The following DNAJC11 variants were observed in gnomAD, a reference collection of about 807,000 sequenced individuals.
DNAJC11 encodes DnaJ heat shock protein family (Hsp40) member C11, also known as dnaJ homolog subfamily C member 11.
In DNAJC11, 15 loss-of-function variants were observed where a neutral mutation model predicts 78.6. That is an observed-to-expected ratio of 0.19 (90% confidence interval 0.13 to 0.29). The LOEUF (loss-of-function observed/expected upper bound fraction) is 0.29. Among genes scored for constraint, DNAJC11 ranks in the 10% least tolerant of loss-of-function variants. DNAJC11 has a pLI of 1.00. For missense variants in DNAJC11, 547 were observed against 709.6 expected (o/e 0.77, Z 2.60); for synonymous variants, 292 against 272.1 (o/e 1.07, Z -0.72).
At chr1:6,693,165 C>T (rs950806726) in intron 1 of DNAJC11, among the ~76,000 whole-genome samples, 24 of 151,320 alleles carry the variant, frequency 1.6e-4, no homozygotes, top group African/African-American at 5.3e-4. Context: ...TGCCCGCCTC[C>T]GCCTCCCAAA....
chr1:6,681,642 C>G (rs1181274446), intron 1 of DNAJC11, among the ~76,000 whole-genome samples: 1 of 152,192 alleles, frequency 6.6e-6, no homozygotes, highest in East Asian at 1.9e-4. Flanking sequence ...CTCCAATTCT[C>G]CTACGCAGGA....
At position 6,653,738 on chromosome 1, in the gene DNAJC11, G is replaced by A; in HGVS notation, c.507+173C>T. On this transcript the variant is annotated intron_variant, in intron 5 of 15. Transcript: ENST00000377577. The surrounding 1 kb of genome is among the most constrained non-coding windows in gnomAD (Gnocchi z 4.5). ...TCCTGCTGGCTCACATGCCAGCACA[G>A]CGGTAACACACGGCTGGGAATGAAG... The A allele has an allele frequency of 1.2e-6, 1 of 832,564 alleles. No individual in the cohort carries two copies. The allele number at this position is 832,564 out of a possible 1,614,324, so 51.6% of individuals were successfully genotyped here.
chr1:6,683,177 G>A (rs1347628090), intron 1 of DNAJC11, among the ~76,000 whole-genome samples: 3 of 152,142 alleles, frequency 2.0e-5, no homozygotes, highest in Non-Finnish European at 2.9e-5. Flanking sequence ...TTCAGGGACG[G>A]CACTGCCAAA....
In DNAJC11 at chr1:6,634,198, G is replaced by T; in HGVS notation, c.*1477C>A. 1.8e-6 allele frequency: 2 copies of T among 1,082,404 alleles called. No homozygotes were observed. The highest frequency in any genetic ancestry group is 2.7e-6 in the Non-Finnish European group (2 of 727,364). The allele number at this position is 1,082,404 out of a possible 1,614,324, so 67.0% of individuals were successfully genotyped here. The stretch of plus-strand genomic sequence containing the variant: ...TTTCAGGAAAGGTTTATTGTGGTGA[G>T]TGCCTTCTGTACAGTCGACTGCAAA... On this transcript the variant is annotated 3_prime_UTR_variant, in exon 16 of 16. Transcript: ENST00000377577.
chr1:6,637,415 A>G, intron 13 of DNAJC11, 32 bp downstream of exon 13: 1 of 1,614,136 alleles, frequency 6.2e-7, no homozygotes, highest in East Asian at 2.2e-5. Flanking sequence ...CCCAGCGCCC[A>G]CCCTGGACCA....
At chr1:6,677,184 C>T (rs1321557790) in intron 3 of DNAJC11, among the ~76,000 whole-genome samples, 3 of 131,494 alleles carry the variant, frequency 2.3e-5, no homozygotes, top group African/African-American at 5.4e-5. Flanking sequence ...ACAAAAAAAA[C>T]GAAGGAACTT....
chr1:6,645,178 G>A lies in DNAJC11; in HGVS notation c.895-52C>T. 1 of 1,434,000 alleles carries A rather than the reference G, an allele frequency of 7.0e-7. No individual in the cohort carries two copies. The highest frequency in any genetic ancestry group is 1.7e-5 in the Admixed American group (1 of 59,394). 88.8% of individuals were successfully genotyped at this position (1,434,000 alleles called of 1,614,324 possible). A position where few individuals can be genotyped will look rare whatever the true frequency, so the allele number is the denominator to read the frequency against. ...CGTGGCTAGGGCGTGTGACTCTGTGGGGAGATGGGTATCTGCCCTCCCACT... is the reference window on the plus strand; with the variant it reads ...CGTGGCTAGGGCGTGTGACTCTGTGAGGAGATGGGTATCTGCCCTCCCACT... On this transcript the variant is annotated intron_variant, in intron 8 of 15. Transcript: ENST00000377577. This position sits in a 1 kb window ranked among gnomAD's most constrained non-coding sequence, Gnocchi z 4.1.
chr1:6,689,918 A>G (rs1278945541), intron 1 of DNAJC11, among the ~76,000 whole-genome samples: 3 of 152,194 alleles, frequency 2.0e-5, no homozygotes, highest in Non-Finnish European at 4.4e-5. Context: ...TGGTGTCACA[A>G]ATGCATTTAC....
intron 4 of DNAJC11, among the ~76,000 whole-genome samples, chr1:6,656,493 A>G (rs1434956441): frequency 6.6e-6 from 1 of 152,156 alleles, no homozygotes; most frequent in African/African-American, 2.4e-5. Flanking sequence ...TTGGGCCAAG[A>G]TATTTTTATG....
In DNAJC11 at chr1:6,675,707, G is replaced by A. The variant is rs548801695; in HGVS notation, c.276+2687C>T. Among the ~76,000 whole-genome samples, 573 of 152,298 alleles carry A rather than the reference G, an allele frequency of 3.8e-3. 3 individuals carry two copies. Among genetic ancestry groups the A allele is most frequent in the Non-Finnish European group, 6.5e-3 (441 of 68,024 alleles). Reference sequence around the variant, plus strand: ...GAAACTGCTGGAATTACAGGTGTGAGCCACTGCACCCAGCCCTATATATTT... The same window carrying A: ...GAAACTGCTGGAATTACAGGTGTGAACCACTGCACCCAGCCCTATATATTT... On this transcript the variant is annotated intron_variant, in intron 3 of 15. Transcript: ENST00000377577.
chr1:6,636,530 A>G (rs1570258983), intron 14 of DNAJC11, among the ~76,000 whole-genome samples: 2 of 152,286 alleles, frequency 1.3e-5, no homozygotes, highest in South Asian at 4.2e-4. Flanking sequence ...TGTATGGTCC[A>G]TGCCCCAGGC....
chr1:6,652,128 C>T (rs1416364993), intron 6 of DNAJC11, among the ~76,000 whole-genome samples: 1 of 152,320 alleles, frequency 6.6e-6, no homozygotes, highest in Non-Finnish European at 1.5e-5. Flanking sequence ...GCCTGGCTGC[C>T]GTGTTTACTA....
intron 6 of DNAJC11, 47 bp downstream of exon 6, chr1:6,652,782 A>G (rs1292440872): frequency 6.2e-7 from 1 of 1,612,040 alleles, no homozygotes; most frequent in Non-Finnish European, 8.5e-7. Flanking sequence ...ATGTTCAGAA[A>G]TAAGGCTTTG....
chr1:6,691,828 T>C (rs1383946668), intron 1 of DNAJC11, among the ~76,000 whole-genome samples: 2 of 152,244 alleles, frequency 1.3e-5, no homozygotes, highest in Admixed American at 6.5e-5. Context: ...GTACCAGGCA[T>C]ATGCTGTAAC....
Position 6,637,223 on chromosome 1 carries a change from T to C in DNAJC11, c.1499A>G (p.Lys500Arg), listed in dbSNP as rs1164453923. 1 of 1,614,194 alleles carries C rather than the reference T, an allele frequency of 6.2e-7. No individual in the cohort carries two copies. Among genetic ancestry groups the C allele is most frequent in the Non-Finnish European group, 8.5e-7 (1 of 1,180,038 alleles). Residue 500 changes from lysine to arginine, a missense_variant, in exon 14 of 16, where the codon AAG (lysine) becomes AGG (arginine). By Grantham distance (26) the Lys-to-Arg change is conservative (BLOSUM62 2). Transcript: ENST00000377577. ...VPLQCLVKDSKLILTEASKAG... is the reference protein window; with the variant it reads ...VPLQCLVKDSRLILTEASKAG... ...CTTGGAGGCCTCCGTGAGGATGAGC[T>C]TCGAGTCCTTCACCAGGCACTGCAG...
At chr1:6,672,077 C>G (rs370192323) in intron 3 of DNAJC11, among the ~76,000 whole-genome samples, 2 of 152,148 alleles carry the variant, frequency 1.3e-5, no homozygotes, top group African/African-American at 4.8e-5. Flanking sequence ...TCAAGTGATC[C>G]ACCTGCCTTG....
intron 4 of DNAJC11, among the ~76,000 whole-genome samples, chr1:6,663,243 C>CA (rs1377928535): frequency 6.6e-6 from 1 of 151,990 alleles, no homozygotes; most frequent in Admixed American, 6.6e-5. Flanking sequence ...GTCATAGGGT[C>CA]AAAAAAACTA....
chr1:6,652,847 C>T lies in DNAJC11; in HGVS notation c.612G>A (p.Ser204=), dbSNP rs1271014975. ...TTCTTACCTCTCCCCATCCCTTTGC[C>T]GAAGTTACTCGTCTGAGCGCAAAGT... ...SINFALRRVT[S]AKGWGELEFG... Residue 204 remains serine, a synonymous_variant, in exon 6 of 16, where the codon TCG becomes TCA. Transcript: ENST00000377577. 1.4e-5 allele frequency: 23 copies of T among 1,614,012 alleles called. No individual in the cohort carries two copies. Among genetic ancestry groups the T allele is most frequent in the Non-Finnish European group, 1.9e-5 (22 of 1,180,044 alleles).
chr1:6,676,205 G>A (rs769920361), intron 3 of DNAJC11, among the ~76,000 whole-genome samples: 2 of 152,180 alleles, frequency 1.3e-5, no homozygotes, highest in Admixed American at 6.5e-5. Flanking sequence ...TAACGCAAGG[G>A]GGAGTGGTGG....
Sources: allele counts gnomAD v4.1 joint callset (sites outside exome capture counted in the v4.1 genomes callset), GRCh38; gene constraint gnomAD v4.1.1; non-coding constraint Gnocchi (gnomAD v3.1); transcripts MANE v1.5; gene names NCBI Gene and HGNC (gene_info 2026-07-23, HGNC 2026-07-21).